Variants in GRM1 observed in about 807,000 individuals in gnomAD.
GRM1 encodes metabotropic glutamate receptor 1.
In GRM1, 33 loss-of-function variants were observed where a neutral mutation model predicts 90.9. That is an observed-to-expected ratio of 0.36 (90% CI 0.28 to 0.49). The LOEUF (loss-of-function observed/expected upper bound fraction) is 0.49. Ranked by LOEUF, GRM1 falls within the 20% of genes least tolerant of loss-of-function variation. The pLI is 0.99. For synonymous variants in GRM1, 700 were observed against 613.2 expected, an observed-to-expected ratio of 1.14 and a Z score of -2.09; for missense variants, 1,190 against 1,534.3, an observed-to-expected ratio of 0.78 and a Z score of 3.75.
At chr6:146,053,085 T>A (rs1775351935) in intron 1 of GRM1, among the ~76,000 whole-genome samples, 4 of 152,118 alleles carry the variant, frequency 2.6e-5, no homozygotes, top group Admixed American at 1.3e-4. Context: ...CATTCTCAGT[T>A]ATCCATCATT....
chr6:146,253,407 T>C (rs933216173), intron 2 of GRM1, among the ~76,000 whole-genome samples: 2 of 151,972 alleles, frequency 1.3e-5, no homozygotes, highest in African/African-American at 4.8e-5. Flanking sequence ...TTTAGAGGAG[T>C]GAAGGAGCTG....
rs750854331 is a variant in GRM1 at position 146,426,633 on chromosome 6, G to A, written c.2661-7239G>A. 2.8e-6 allele frequency: 4 copies of A among 1,434,252 alleles called. No homozygotes were observed. In the East Asian group the frequency reaches 9.1e-5, roughly 33 times the overall value. The allele number at this position is 1,434,252 out of a possible 1,614,324, so 88.8% of individuals were successfully genotyped here. A position where few individuals can be genotyped will look rare whatever the true frequency, so the allele number is the denominator to read the frequency against. On this transcript the variant is annotated intron_variant, in intron 7 of 7. Transcript: ENST00000282753. ...GTGCAGCTTTGAAAACCCCCACACT[G>A]CAGTGAATGTGTAAGAGAAGCTGCA...
intron 2 of GRM1, among the ~76,000 whole-genome samples, chr6:146,293,111 G>A (rs1307551386): frequency 6.6e-6 from 1 of 151,980 alleles, no homozygotes; most frequent in Non-Finnish European, 1.5e-5. Context: ...GCCAGGGACT[G>A]GGGACAGGGA....
chr6:146,234,342 T>C (rs1780557090), intron 2 of GRM1, among the ~76,000 whole-genome samples: 2 of 152,104 alleles, frequency 1.3e-5, no homozygotes, highest in African/African-American at 4.8e-5. Flanking sequence ...TTAATTATGG[T>C]ATAATTGTAT....
intron 1 of GRM1, among the ~76,000 whole-genome samples, chr6:146,071,804 G>T (rs531511447): frequency 6.6e-6 from 1 of 152,266 alleles, no homozygotes; most frequent in Non-Finnish European, 1.5e-5. Context: ...GCTGTATTTG[G>T]TTAGGGCAAG....
intron 3 of GRM1, among the ~76,000 whole-genome samples, chr6:146,336,902 G>A (rs1316734113): frequency 2.0e-5 from 3 of 152,154 alleles, no homozygotes; most frequent in Non-Finnish European, 2.9e-5. Context: ...CCTGCCCTGG[G>A]GCCTGCCATT....
At chr6:146,309,259 C>T (rs974810701) in intron 3 of GRM1, among the ~76,000 whole-genome samples, 3 of 151,858 alleles carry the variant, frequency 2.0e-5, no homozygotes, top group Non-Finnish European at 4.4e-5. Context: ...ATTAGTTGGG[C>T]TTGGTGGCGG....
chr6:146,035,896 A>G (rs533950879), intron 1 of GRM1, among the ~76,000 whole-genome samples: 1 of 152,110 alleles, frequency 6.6e-6, no homozygotes, highest in East Asian at 1.9e-4. Context: ...AGACGAAAAA[A>G]ATGACACTTT....
intron 2 of GRM1, among the ~76,000 whole-genome samples, chr6:146,233,993 A>G (rs1210490712): frequency 6.6e-6 from 1 of 152,118 alleles, no homozygotes; most frequent in African/African-American, 2.4e-5. Flanking sequence ...TTAGATCCAT[A>G]CACATATAGC....
Position 146,375,437 on chromosome 6 carries a change from G to C in GRM1, c.1603-11453G>C, listed in dbSNP as rs560922008. 2.6e-5 allele frequency among the ~76,000 whole-genome samples: 4 copies of C among 152,046 alleles called. No homozygotes were observed. The South Asian group carries it at 8.3e-4, about 32-fold the overall frequency. On this transcript the variant is annotated intron_variant, in intron 5 of 7. Transcript: ENST00000282753. ...TTGTTTTATAGTGCAGATTAAGTCT[G>C]ATGTTTCTTTGTTGATTTTCTGACT...
chr6:146,400,753 T>A (rs1777130004), intron 7 of GRM1, among the ~76,000 whole-genome samples: 1 of 152,176 alleles, frequency 6.6e-6, no homozygotes, highest in Non-Finnish European at 1.5e-5. Flanking sequence ...AATTTCACTC[T>A]TTCAAACAAT....
At chr6:146,346,757 A>G (rs1785203574) in intron 3 of GRM1, among the ~76,000 whole-genome samples, 1 of 152,206 alleles carries the variant, frequency 6.6e-6, no homozygotes, top group African/African-American at 2.4e-5. Flanking sequence ...TCTTTGCTCG[A>G]TATGTTAACA....
intron 6 of GRM1, among the ~76,000 whole-genome samples, chr6:146,397,290 C>T (rs1228432008): frequency 1.3e-5 from 2 of 151,590 alleles, no homozygotes; most frequent in African/African-American, 4.8e-5. Flanking sequence ...CTGGCTAACA[C>T]AGTGAAACCC....
chr6:146,345,414 A>G (rs1352840570), intron 3 of GRM1, among the ~76,000 whole-genome samples: 1 of 152,218 alleles, frequency 6.6e-6, no homozygotes, highest in East Asian at 1.9e-4. Context: ...TTGTTTTGTA[A>G]TAAGCAAGAC....
chr6:146,369,888 T>A (rs1480916882), intron 5 of GRM1, among the ~76,000 whole-genome samples: 3 of 149,832 alleles, frequency 2.0e-5, no homozygotes, highest in Non-Finnish European at 4.4e-5. Flanking sequence ...TGATTTTCTG[T>A]CTGAATGATT....
chr6:146,058,754 G>A (rs1238327424), intron 1 of GRM1, among the ~76,000 whole-genome samples: 1 of 152,114 alleles, frequency 6.6e-6, no homozygotes, highest in African/African-American at 2.4e-5. Flanking sequence ...TGTCAACTAA[G>A]TTTATGTAAT....
rs141313808 is a variant in GRM1, at chr6:146,305,332, C to G, written c.1186+486C>G. Among the ~76,000 whole-genome samples the G allele has an allele frequency of 2.9e-3, 442 of 152,142 alleles. 1 individual carries two copies. The highest frequency in any genetic ancestry group is 9.9e-3 in the African/African-American group (411 of 41,494). ...AGAAACTGCACTCTGATCTTTCAGT[C>G]AGAACAATGGTTCACAGCTGGACAG... is the stretch of plus-strand genomic sequence containing the variant. On this transcript the variant is annotated intron_variant, in intron 3 of 7. Transcript: ENST00000282753.
At chr6:146,082,156 C>T (rs1008891651) in intron 1 of GRM1, among the ~76,000 whole-genome samples, 2 of 151,844 alleles carry the variant, frequency 1.3e-5, no homozygotes, top group African/African-American at 2.4e-5. Context: ...ATTTTTTGTT[C>T]GGTTGGTTTC....
intron 3 of GRM1, among the ~76,000 whole-genome samples, chr6:146,327,914 C>T (rs1784450367): frequency 6.6e-6 from 1 of 152,082 alleles, no homozygotes; most frequent in Non-Finnish European, 1.5e-5. Context: ...GGTCAGTGGA[C>T]ATAAGGTCAG....
Sources: allele counts gnomAD v4.1 joint callset (sites outside exome capture counted in the v4.1 genomes callset), GRCh38; gene constraint gnomAD v4.1.1; transcripts MANE v1.5; gene names NCBI Gene and HGNC (gene_info 2026-07-23, HGNC 2026-07-21).